The following CCDC171 variants were observed in gnomAD, a reference collection of about 807,000 sequenced individuals.
CCDC171 encodes coiled-coil domain containing 171, also known as coiled-coil domain-containing protein 171.
Under a neutral mutation model 168.2 loss-of-function variants are expected in CCDC171, and 177 were observed. The ratio of observed to expected loss-of-function variants is 1.05; its 90% CI spans 0.93 to 1.19. The LOEUF is 1.19. Among genes scored for constraint, CCDC171 ranks in the 50% most tolerant of loss-of-function variants. CCDC171 has a pLI of 0.00. For missense variants in CCDC171, 1,991 were observed against 1,539.0 expected (o/e 1.29, Z -4.91); for synonymous variants, 687 against 540.8 (o/e 1.27, Z -3.75).
intron 8 of CCDC171, among the ~76,000 whole-genome samples, chr9:15,665,749 T>G (rs2048691271): frequency 6.6e-6 from 1 of 152,218 alleles, no homozygotes; most frequent in Non-Finnish European, 1.5e-5. Context: ...CTACTGCACT[T>G]CAGCCTGGGT....
intron 6 of CCDC171, among the ~76,000 whole-genome samples, chr9:16,025,414 A>G (rs1317128874): frequency 1.3e-5 from 2 of 152,160 alleles, no homozygotes; most frequent in African/African-American, 4.8e-5. Flanking sequence ...AGATTGCGCC[A>G]CGGCACTGCA....
At chr9:15,881,584 C>T (rs377514256) in intron 24 of CCDC171, among the ~76,000 whole-genome samples, 1 of 152,172 alleles carries the variant, frequency 6.6e-6, no homozygotes, top group East Asian at 1.9e-4. Context: ...TCTATCACAC[C>T]ATATATTTGT....
At chr9:15,599,469 T>A (rs1272017848) in intron 6 of CCDC171, among the ~76,000 whole-genome samples, 1 of 152,180 alleles carries the variant, frequency 6.6e-6, no homozygotes, top group Non-Finnish European at 1.5e-5. Flanking sequence ...GAATGTTGAA[T>A]ATTGGCCCCC....
chr9:15,778,138 A>C (rs991142227), intron 19 of CCDC171, among the ~76,000 whole-genome samples: 4 of 150,382 alleles, frequency 2.7e-5, no homozygotes, highest in Non-Finnish European at 4.4e-5. Flanking sequence ...TCTACTAAAA[A>C]TACAAAAAAT....
chr9:15,603,086 A>G (rs546155242), intron 6 of CCDC171, among the ~76,000 whole-genome samples: 1 of 151,814 alleles, frequency 6.6e-6, no homozygotes, highest in South Asian at 2.1e-4. Context: ...GGTTCATGCT[A>G]TTCTCCTGCC....
downstream of CCDC171, among the ~76,000 whole-genome samples, chr9:16,065,425 C>T (rs1833980496): frequency 6.6e-6 from 1 of 152,182 alleles, no homozygotes; most frequent in Non-Finnish European, 1.5e-5. Context: ...ACTGAGCTCT[C>T]TTCCTGATGA....
chr9:15,980,599 C>T (rs994982435), intron 3 of CCDC171, among the ~76,000 whole-genome samples: 2 of 152,158 alleles, frequency 1.3e-5, no homozygotes, highest in Non-Finnish European at 2.9e-5. Flanking sequence ...TAGCCCCAAA[C>T]CATCTGTACA....
intron 6 of CCDC171, among the ~76,000 whole-genome samples, chr9:15,618,431 C>G (rs1468565651): frequency 6.6e-5 from 10 of 152,188 alleles, no homozygotes; most frequent in Non-Finnish European, 1.3e-4. Context: ...GAATTTCAAG[C>G]CAGTGGTTCT....
chr9:16,062,188 A>G (rs1833939931), downstream of CCDC171, among the ~76,000 whole-genome samples: 1 of 152,210 alleles, frequency 6.6e-6, no homozygotes, highest in Non-Finnish European at 1.5e-5. Context: ...AAACAAAAAA[A>G]CAAAACAAAC....
chr9:15,599,699 T>G (rs977096511), intron 6 of CCDC171, among the ~76,000 whole-genome samples: 1 of 152,174 alleles, frequency 6.6e-6, no homozygotes, highest in Non-Finnish European at 1.5e-5. Flanking sequence ...TTGGCCTGCC[T>G]TGCTAGATTG....
chr9:15,583,837 T>A (rs958276864), intron 4 of CCDC171, among the ~76,000 whole-genome samples: 1 of 152,156 alleles, frequency 6.6e-6, no homozygotes, highest in Non-Finnish European at 1.5e-5. Flanking sequence ...TTTGTTAACT[T>A]CATGGGGCTA....
chr9:15,727,617 G>T (rs2053892121), intron 14 of CCDC171, among the ~76,000 whole-genome samples: 1 of 152,132 alleles, frequency 6.6e-6, no homozygotes, highest in African/African-American at 2.4e-5. Context: ...AGTAGCAGAG[G>T]TGGAGATGAA....
At chr9:15,983,179 T>A (rs1421557097) in intron 3 of CCDC171, among the ~76,000 whole-genome samples, 8 of 152,118 alleles carry the variant, frequency 5.3e-5, no homozygotes. Flanking sequence ...CCCCTTCCCC[T>A]TTCCTCTTAA....
At chr9:15,627,229 A>C (rs554394053) in intron 7 of CCDC171, among the ~76,000 whole-genome samples, 27 of 151,686 alleles carry the variant, frequency 1.8e-4, no homozygotes, top group Admixed American at 9.9e-4. Context: ...TAGTCTTGCT[A>C]GCTGTCTATC....
intron 25 of CCDC171, among the ~76,000 whole-genome samples, chr9:15,967,486 G>C (rs1466133747): frequency 6.6e-6 from 1 of 152,104 alleles, no homozygotes; most frequent in Non-Finnish European, 1.5e-5. Flanking sequence ...CCTTAAGAAT[G>C]GTCTGTCTAC....
At position 15,973,211 on chromosome 9, in the gene CCDC171, T is replaced by G. The variant is rs1022490411; in HGVS notation, c.*1375T>G. ...TTAACTTCTGATGTGAACTATAGCT[T>G]TTGACAAAGAGTCTTGATACATAAT... On this transcript the variant is annotated 3_prime_UTR_variant, in exon 26 of 26. Transcript: ENST00000380701. The G allele has an allele frequency of 2.6e-5, 4 of 152,240 alleles. No individual in the cohort carries two copies. Among genetic ancestry groups the G allele is most frequent in the Admixed American group, 1.3e-4 (2 of 15,276 alleles). 9.4% of individuals were successfully genotyped at this position (152,240 alleles called of 1,614,324 possible). A position where few individuals can be genotyped will look rare whatever the true frequency, so the allele number is the denominator to read the frequency against.
chr9:15,649,541 C>T (rs1444526384), intron 7 of CCDC171, among the ~76,000 whole-genome samples: 2 of 152,070 alleles, frequency 1.3e-5, no homozygotes, highest in Non-Finnish European at 2.9e-5. Flanking sequence ...TGAACTCAAA[C>T]AAATTTACAA....
chr9:16,061,753 A>C (rs1586872212), downstream of CCDC171: 2 of 152,310 alleles, frequency 1.3e-5, no homozygotes, highest in East Asian at 3.9e-4. Flanking sequence ...CATACTTTTC[A>C]TCTCCATTTT....
At chr9:15,623,473 G>GCACACTCACACACACACA in intron 7 of CCDC171, 60 bp downstream of exon 7, 1 of 464,174 alleles carries the variant, frequency 2.2e-6, no homozygotes, top group Non-Finnish European at 3.6e-6. Flanking sequence ...ATGCGCGCGC[G>GCACACTCACACACACACA]CGCACACACA....
Sources: allele counts gnomAD v4.1 joint callset (sites outside exome capture counted in the v4.1 genomes callset), GRCh38; gene constraint gnomAD v4.1.1; transcripts MANE v1.5; gene names NCBI Gene and HGNC (gene_info 2026-07-23, HGNC 2026-07-21).